SSH2: variants seen among roughly 807,000 people sequenced by gnomAD.
The protein encoded by SSH2 is protein phosphatase Slingshot homolog 2.
Under a neutral mutation model 135.2 loss-of-function variants are expected in SSH2, and 37 were observed. The ratio of observed to expected loss-of-function variants is 0.27; its 90% CI spans 0.21 to 0.36. SSH2 has a LOEUF of 0.36. Among genes scored for constraint, SSH2 ranks in the 10% least tolerant of loss-of-function variants. SSH2 has a pLI of 1.00. For missense variants in SSH2, 1,408 were observed against 1,765.3 expected (o/e 0.80, Z 3.63); for synonymous variants, 628 against 646.2 (o/e 0.97, Z 0.43).
Position 29,632,194 on chromosome 17 carries a change from C to T in SSH2, c.3000G>A (p.Gly1000=). Residue 1000 remains glycine (G), a synonymous_variant, in exon 16 of 16, where the codon GGG becomes GGA. Coordinates refer to ENST00000540801, the MANE Select transcript of SSH2 (RefSeq NM_001282129.2). Reference sequence around the variant, plus strand: ...CTTCCTGCTGTGTTCCAGTATCTGACCCTGGGCCCTCCTGAGGATCTGGCA... The same window carrying T: ...CTTCCTGCTGTGTTCCAGTATCTGATCCTGGGCCCTCCTGAGGATCTGGCA... ...DHLPDPQEGP[G]SDTGTQQEGV... 1 of 1,613,988 alleles carries T rather than the reference C, an allele frequency of 6.2e-7. No homozygotes were observed. The highest frequency in any genetic ancestry group is 1.1e-5 in the South Asian group (1 of 91,070).
Position 29,631,066 on chromosome 17 carries a change from T to C in SSH2, c.4128A>G (p.Glu1376=). Residue 1376 remains glutamate (E), a synonymous_variant, in exon 16 of 16, where the codon GAA becomes GAG. Transcript: ENST00000540801. ...VERPLVQYAK[E]FGSSQQYLLP... Reference sequence around the variant, plus strand: ...GCAAATACTGCTGACTAGAACCAAATTCTTTGGCATACTGCACAAGGGGCC... The same window carrying C: ...GCAAATACTGCTGACTAGAACCAAACTCTTTGGCATACTGCACAAGGGGCC... 1 of 1,614,164 alleles carries C rather than the reference T, an allele frequency of 6.2e-7. No homozygotes were observed. Among genetic ancestry groups the C allele is most frequent in the Non-Finnish European group, 8.5e-7 (1 of 1,180,034 alleles).
At chr17:29,923,767 G>A (rs928625633) in intron 1 of SSH2, among the ~76,000 whole-genome samples, 2 of 152,060 alleles carry the variant, frequency 1.3e-5, no homozygotes, top group African/African-American at 4.8e-5. Flanking sequence ...TCAGCCAGGC[G>A]TGGTGGTGCA....
chr17:29,760,598 G>GT (rs2041260408), intron 3 of SSH2, among the ~76,000 whole-genome samples: 1 of 152,100 alleles, frequency 6.6e-6, no homozygotes, highest in African/African-American at 2.4e-5. Context: ...CTGTGAGCAC[G>GT]TACCAGTAGT....
intron 5 of SSH2, among the ~76,000 whole-genome samples, chr17:29,690,012 C>CAAAA (rs946244880): frequency 5.1e-4 from 16 of 31,340 alleles, no homozygotes; most frequent in African/African-American, 1.1e-3. Flanking sequence ...AGATCCATCT[C>CAAAA]AAAAAAAAAA....
intron 1 of SSH2, among the ~76,000 whole-genome samples, chr17:29,851,200 G>A (rs1202441377): frequency 1.3e-5 from 2 of 152,136 alleles, no homozygotes; most frequent in Non-Finnish European, 2.9e-5. Context: ...AAATGGTAGA[G>A]ATCAGAGCTG....
intron 1 of SSH2, among the ~76,000 whole-genome samples, chr17:29,905,382 A>G (rs767588506): frequency 6.6e-6 from 1 of 152,222 alleles, no homozygotes; most frequent in Non-Finnish European, 1.5e-5. Context: ...TCAGCCTGCC[A>G]TCACTTGCCC....
chr17:29,748,410 T>G (rs2040828509), intron 3 of SSH2, among the ~76,000 whole-genome samples: 1 of 152,168 alleles, frequency 6.6e-6, no homozygotes, highest in African/African-American at 2.4e-5. Context: ...ATTTTAAGGC[T>G]ATATTCTCTA....
intron 3 of SSH2, among the ~76,000 whole-genome samples, chr17:29,766,451 C>T: frequency 6.6e-6 from 1 of 150,872 alleles, no homozygotes. Context: ...GAGTGAGACG[C>T]TGTCTCAAAA....
intron 1 of SSH2, among the ~76,000 whole-genome samples, chr17:29,868,119 T>C (rs1389394962): frequency 6.6e-6 from 1 of 152,178 alleles, no homozygotes; most frequent in Non-Finnish European, 1.5e-5. Flanking sequence ...TCATTCCCTA[T>C]TCTTTGGAGA....
intron 3 of SSH2, among the ~76,000 whole-genome samples, chr17:29,737,376 CTAAT>C: frequency 6.6e-6 from 1 of 152,054 alleles, no homozygotes; most frequent in East Asian, 1.9e-4. Context: ...GCTATATCAG[CTAAT>C]TATTTATTTA....
rs776087696 is a variant in SSH2 at position 29,631,855 on chromosome 17, G to T, written c.3339C>A (p.His1113Gln). Residue 1113 changes from histidine to glutamine, a missense_variant, in exon 16 of 16, where the codon CAC becomes CAA. By Grantham distance (24) the His-to-Gln change is conservative. This residue lies in a region of SSH2 where 1,080 missense variants were observed against 1,144.5 expected (regional missense o/e 0.94). Transcript: ENST00000540801. ...LPLPHSSSPE[H>Q]NRPTDHPTSI... Reference sequence around the variant, plus strand: ...AGGTTGGATGGTCAGTGGGTCTGTTGTGCTCAGGGGAGGAAGAATGAGGCA... The same window carrying T: ...AGGTTGGATGGTCAGTGGGTCTGTTTTGCTCAGGGGAGGAAGAATGAGGCA... 3 of 1,614,244 alleles carry T rather than the reference G, an allele frequency of 1.9e-6. No homozygotes were observed. Among genetic ancestry groups the T allele is most frequent in the Admixed American group, 1.7e-5 (1 of 60,028 alleles).
intron 8 of SSH2, chr17:29,675,706 T>G (rs2037682039): frequency 6.6e-6 from 1 of 151,514 alleles, no homozygotes; most frequent in African/African-American, 2.4e-5. Context: ...GAGGCTGAGG[T>G]AGGAAGAACA....
In SSH2 at chr17:29,930,137, C is replaced by G; in HGVS notation, c.-137G>C. ...GGGGAGGAGGAGGAGGCCGCGGGAA[C>G]GGCCGCAGACTCCGCACCCACCACC... On this transcript the variant is annotated 5_prime_UTR_variant, in exon 1 of 16. Coordinates refer to ENST00000540801, the MANE Select transcript of SSH2 (RefSeq NM_001282129.2). 1.3e-6 allele frequency: 1 copy of G among 776,122 alleles called. No individual in the cohort carries two copies. The highest frequency in any genetic ancestry group is 2.0e-6 in the Non-Finnish European group (1 of 489,488). The allele number at this position is 776,122 out of a possible 1,614,324, so 48.1% of individuals were successfully genotyped here.
intron 1 of SSH2, among the ~76,000 whole-genome samples, chr17:29,902,102 T>C (rs750700167): frequency 6.6e-6 from 1 of 152,138 alleles, no homozygotes; most frequent in Non-Finnish European, 1.5e-5. Flanking sequence ...CTCTCTTTTT[T>C]ATAGCAGCTT....
chr17:29,869,791 G>A (rs951631681), intron 1 of SSH2, among the ~76,000 whole-genome samples: 3 of 152,060 alleles, frequency 2.0e-5, no homozygotes, highest in Non-Finnish European at 4.4e-5. Context: ...AGTGCAGGAA[G>A]GTCGCCTGCA....
chr17:29,915,768 T>G (rs1289171562), intron 1 of SSH2, among the ~76,000 whole-genome samples: 1 of 151,894 alleles, frequency 6.6e-6, no homozygotes, highest in Non-Finnish European at 1.5e-5. Flanking sequence ...ACAAAGATTC[T>G]CTAATTAAAA....
chr17:29,814,430 C>T (rs1354467596), intron 2 of SSH2, among the ~76,000 whole-genome samples: 1 of 50,440 alleles, frequency 2.0e-5, no homozygotes, highest in Non-Finnish European at 3.2e-5. Flanking sequence ...AAGACTCTGT[C>T]TCAAAAAAAA....
At chr17:29,703,193 A>C in intron 3 of SSH2, 131 bp from the exon 4 acceptor site, 3 of 651,120 alleles carry the variant, frequency 4.6e-6, no homozygotes, top group East Asian at 5.5e-5. Context: ...TAAAAACATA[A>C]TCAAGAGAGG....
chr17:29,735,101 A>C (rs997027757), intron 3 of SSH2, among the ~76,000 whole-genome samples: 1 of 152,184 alleles, frequency 6.6e-6, no homozygotes, highest in African/African-American at 2.4e-5. Flanking sequence ...TCCTCCAGAA[A>C]AAATTAATGT....
Sources: allele counts gnomAD v4.1 joint callset (sites outside exome capture counted in the v4.1 genomes callset), GRCh38; gene constraint gnomAD v4.1.1; regional missense constraint gnomAD v4.1.1; transcripts MANE v1.5; gene names NCBI Gene and HGNC (gene_info 2026-07-23, HGNC 2026-07-21).